NAV3: variants seen among roughly 807,000 people sequenced by gnomAD.
NAV3 encodes neuron navigator 3.
NAV3 carries 87 observed loss-of-function variants against 244.7 expected under a neutral mutation model. The ratio of observed to expected loss-of-function variants is 0.36; its 90% CI spans 0.30 to 0.42. The LOEUF is 0.42. NAV3 is among the 20% of genes least tolerant of loss of function. NAV3 has a pLI of 1.00. For synonymous variants in NAV3, 1,126 were observed against 1,042.2 expected (o/e 1.08, Z -1.55); for missense variants, 2,663 against 2,893.3 (o/e 0.92, Z 1.83).
At chr12:77,882,433 A>G (rs180929854) in intron 1 of NAV3, among the ~76,000 whole-genome samples, 37 of 152,264 alleles carry the variant, frequency 2.4e-4, no homozygotes, top group East Asian at 1.4e-3. Flanking sequence ...AATTAACTCA[A>G]AATGGATTAA....
At chr12:77,960,411 A>T (rs930491179) in intron 3 of NAV3, among the ~76,000 whole-genome samples, 1 of 150,522 alleles carries the variant, frequency 6.6e-6, no homozygotes, top group Non-Finnish European at 1.5e-5. Flanking sequence ...AAAAGAATCA[A>T]TAGGGAGTAT....
intron 1 of NAV3, among the ~76,000 whole-genome samples, chr12:77,916,968 A>G (rs1887207948): frequency 6.6e-6 from 1 of 152,036 alleles, no homozygotes. Flanking sequence ...TATCACATCA[A>G]TAGGATATTT....
At chr12:77,922,827 C>A (rs1055876266) in intron 1 of NAV3, among the ~76,000 whole-genome samples, 1 of 152,028 alleles carries the variant, frequency 6.6e-6, no homozygotes, top group East Asian at 1.9e-4. Context: ...GCTTTGAAAT[C>A]AATTTTAATT....
At chr12:78,062,402 T>C (rs188705656) in intron 12 of NAV3, among the ~76,000 whole-genome samples, 34 of 152,232 alleles carry the variant, frequency 2.2e-4, no homozygotes, top group Admixed American at 3.9e-4. Flanking sequence ...ATAGTAGACA[T>C]TGTAAATCAA....
intron 1 of NAV3, among the ~76,000 whole-genome samples, chr12:77,906,760 T>C (rs1262286234): frequency 1.3e-5 from 2 of 152,126 alleles, no homozygotes; most frequent in African/African-American, 4.8e-5. Flanking sequence ...ATTTAATTCA[T>C]ATAAGAGTTT....
chr12:77,747,080 G>A (rs1365565925), intron 2 of NAV3, among the ~76,000 whole-genome samples: 2 of 151,992 alleles, frequency 1.3e-5, no homozygotes, highest in African/African-American at 4.8e-5. Context: ...ACATTTTATT[G>A]AATTATAATG....
intron 34 of NAV3, among the ~76,000 whole-genome samples, chr12:78,196,562 C>T (rs1959177513): frequency 6.6e-6 from 1 of 151,942 alleles, no homozygotes; most frequent in Non-Finnish European, 1.5e-5. Flanking sequence ...TGAGAGCAGT[C>T]AATCAGCAAA....
intron 6 of NAV3, among the ~76,000 whole-genome samples, chr12:77,997,333 G>A (rs1872535598): frequency 6.6e-6 from 1 of 151,068 alleles, no homozygotes; most frequent in South Asian, 2.1e-4. Flanking sequence ...ATATATGTCA[G>A]TAGTATAAAA....
At chr12:77,655,121 GT>G (rs751448797) in intron 2 of NAV3, among the ~76,000 whole-genome samples, 27 of 152,144 alleles carry the variant, frequency 1.8e-4, no homozygotes, top group Admixed American at 7.9e-4. Context: ...ATGACTTTGA[GT>G]TGAGAGAAGA....
chr12:78,154,416 G>T (rs1369283000), intron 22 of NAV3, among the ~76,000 whole-genome samples: 1 of 144,290 alleles, frequency 6.9e-6, no homozygotes, highest in Non-Finnish European at 1.5e-5. Flanking sequence ...TTGTCAGTGG[G>T]CTGTCTCTGT....
In NAV3 at chr12:78,118,136, A is replaced by G. The variant is rs1422709572; in HGVS notation, c.2879A>G (p.Lys960Arg). 1.2e-6 allele frequency: 2 copies of G among 1,614,028 alleles called. No homozygotes were observed. The highest frequency in any genetic ancestry group is 4.5e-5 in the East Asian group (2 of 44,834). The stretch of plus-strand genomic sequence containing the variant: ...GACAGCCATGGGGATGCTGGTGGCA[A>G]GTGGAAGACTGTGTCCTCTGGACTT... Reference protein sequence around the residue: ...DFDSHGDAGGKWKTVSSGLPE... With the variant: ...DFDSHGDAGGRWKTVSSGLPE... Residue 960 changes from lysine (K) to arginine (R), a missense_variant, in exon 14 of 40, where the codon AAG becomes AGG. Lys to Arg is a conservative substitution (Grantham distance 26). Coordinates refer to ENST00000397909, the MANE Select transcript of NAV3 (RefSeq NM_001024383.2).
At chr12:78,009,876 C>A (rs1324625942) in intron 8 of NAV3, among the ~76,000 whole-genome samples, 1 of 152,054 alleles carries the variant, frequency 6.6e-6, no homozygotes, top group East Asian at 1.9e-4. Context: ...ACATGAATAT[C>A]AGTAATTATT....
At chr12:77,719,135 T>C (rs1876497243) in intron 2 of NAV3, among the ~76,000 whole-genome samples, 1 of 152,180 alleles carries the variant, frequency 6.6e-6, no homozygotes, top group Non-Finnish European at 1.5e-5. Context: ...TGTTAGTGTA[T>C]GGAAATGCAA....
intron 1 of NAV3, among the ~76,000 whole-genome samples, chr12:77,894,055 T>A (rs1418210412): frequency 6.6e-6 from 1 of 152,200 alleles, no homozygotes; most frequent in Non-Finnish European, 1.5e-5. Context: ...CTCTTTCAAA[T>A]GCATAGTTTG....
chr12:77,628,150 T>TA (rs1260881254), intron 2 of NAV3, among the ~76,000 whole-genome samples: 1 of 152,214 alleles, frequency 6.6e-6, no homozygotes, highest in African/African-American at 2.4e-5. Context: ...CTAGAAGACT[T>TA]ACAATGTTCC....
chr12:77,967,754 A>C (rs868460313), intron 4 of NAV3, among the ~76,000 whole-genome samples: 1 of 152,056 alleles, frequency 6.6e-6, no homozygotes, highest in Non-Finnish European at 1.5e-5. Context: ...TTTTTTATTC[A>C]ATATTTGAAA....
At chr12:78,070,343 A>C (rs1337600945) in intron 12 of NAV3, among the ~76,000 whole-genome samples, 1 of 151,676 alleles carries the variant, frequency 6.6e-6, no homozygotes, top group Non-Finnish European at 1.5e-5. Context: ...AGACTGAAAA[A>C]CTTTCTCAAG....
intron 2 of NAV3, among the ~76,000 whole-genome samples, chr12:77,727,020 C>G (rs1463106416): frequency 1.3e-5 from 2 of 151,980 alleles, no homozygotes; most frequent in Non-Finnish European, 2.9e-5. Flanking sequence ...AATGATCCCT[C>G]TGGCTACAGC....
At chr12:77,935,332 A>G (rs1229928965) in intron 1 of NAV3, among the ~76,000 whole-genome samples, 1 of 152,180 alleles carries the variant, frequency 6.6e-6, no homozygotes, top group Non-Finnish European at 1.5e-5. Context: ...GGTATCATAT[A>G]TGTTGCCTTC....
Sources: gnomAD v4.1 joint callset for allele counts (sites outside exome capture counted in the v4.1 genomes callset) on GRCh38, gnomAD v4.1.1 for gene constraint, MANE v1.5 for transcripts, NCBI Gene and HGNC (gene_info 2026-07-23, HGNC 2026-07-21) for gene names.